DLG2: variants seen among roughly 807,000 people sequenced by gnomAD.
DLG2 encodes discs large MAGUK scaffold protein 2, also known as disks large homolog 2.
In DLG2, 45 loss-of-function variants were observed where a neutral mutation model predicts 132.5. The observed-to-expected ratio is 0.34, with a 90% CI of 0.27 to 0.44. The LOEUF is 0.44. Among genes scored for constraint, DLG2 ranks in the 20% least tolerant of loss-of-function variants. The pLI, the probability that DLG2 is intolerant of heterozygous loss-of-function variation, is 1.00. For missense variants in DLG2, 1,045 were observed against 1,196.9 expected (o/e 0.87, Z 1.87); for synonymous variants, 424 against 419.6 (o/e 1.01, Z -0.13).
intron 22 of DLG2, among the ~76,000 whole-genome samples, chr11:83,473,374 G>A (rs1024643094): frequency 2.0e-5 from 3 of 152,068 alleles, no homozygotes; most frequent in African/African-American, 4.8e-5. Context: ...TAAACTGTGC[G>A]TTGAAACTTC....
chr11:84,094,930 G>T (rs555981843), intron 10 of DLG2, among the ~76,000 whole-genome samples: 3 of 152,086 alleles, frequency 2.0e-5, no homozygotes, highest in African/African-American at 7.2e-5. Flanking sequence ...AATTTATAGG[G>T]GTTTTTTTTA....
intron 6 of DLG2, among the ~76,000 whole-genome samples, chr11:85,071,188 G>T (rs2065814771): frequency 6.6e-6 from 1 of 151,844 alleles, no homozygotes; most frequent in South Asian, 2.1e-4. Context: ...ACAGGAGTTT[G>T]CTATCTTCAT....
chr11:85,275,925 C>T (rs1211810857), intron 4 of DLG2, among the ~76,000 whole-genome samples: 2 of 151,936 alleles, frequency 1.3e-5, no homozygotes, highest in Non-Finnish European at 2.9e-5. Flanking sequence ...AAAAAAAATG[C>T]TTACTGATTC....
chr11:84,408,888 A>AAGG (rs750977644), intron 7 of DLG2, among the ~76,000 whole-genome samples: 1 of 152,110 alleles, frequency 6.6e-6, no homozygotes, highest in Non-Finnish European at 1.5e-5. Flanking sequence ...TGTCTACAGC[A>AAGG]AGGCCCTTGC....
intron 6 of DLG2, among the ~76,000 whole-genome samples, chr11:84,849,552 C>A (rs2154020839): frequency 6.6e-6 from 1 of 152,042 alleles, no homozygotes; most frequent in Middle Eastern, 3.4e-3. Flanking sequence ...TGTTGTTCTG[C>A]CATAGTCTTT....
intron 6 of DLG2, among the ~76,000 whole-genome samples, chr11:84,934,094 T>G (rs1313582198): frequency 1.3e-5 from 2 of 152,186 alleles, no homozygotes; most frequent in African/African-American, 2.4e-5. Flanking sequence ...GATGTTGAAT[T>G]TTATTGAAAT....
intron 7 of DLG2, among the ~76,000 whole-genome samples, chr11:84,467,092 C>T (rs1318374170): frequency 4.0e-5 from 6 of 151,244 alleles, no homozygotes; most frequent in Non-Finnish European, 5.9e-5. Flanking sequence ...ATCTTGGTGT[C>T]TATTTATCAT....
At chr11:84,710,088 C>T (rs1330324821) in intron 6 of DLG2, among the ~76,000 whole-genome samples, 1 of 151,914 alleles carries the variant, frequency 6.6e-6, no homozygotes, top group African/African-American at 2.4e-5. Context: ...CAATTAATAA[C>T]TTCCAAATGA....
chr11:85,386,300 T>C (rs999850975), intron 3 of DLG2, among the ~76,000 whole-genome samples: 8 of 152,158 alleles, frequency 5.3e-5, no homozygotes, highest in Admixed American at 2.6e-4. Flanking sequence ...GGTATTATTA[T>C]TGATTCACTT....
intron 8 of DLG2, among the ~76,000 whole-genome samples, chr11:84,235,146 C>G (rs181205112): frequency 5.3e-4 from 80 of 152,318 alleles, no homozygotes; most frequent in African/African-American, 1.9e-3. Flanking sequence ...TTGAATCCAC[C>G]TACCAACTGA....
At chr11:85,590,651 C>CTATA (rs67069486) in intron 3 of DLG2, among the ~76,000 whole-genome samples, 1 of 148,768 alleles carries the variant, frequency 6.7e-6, no homozygotes. Flanking sequence ...CTCTCTCTCT[C>CTATA]TATATATATA....
At chr11:85,571,945 C>T (rs2077866563) in intron 3 of DLG2, among the ~76,000 whole-genome samples, 1 of 152,076 alleles carries the variant, frequency 6.6e-6, no homozygotes, top group Non-Finnish European at 1.5e-5. Flanking sequence ...ATACCCGTAG[C>T]AGAAATGCAG....
intron 21 of DLG2, among the ~76,000 whole-genome samples, chr11:83,503,129 A>G (rs1026249951): frequency 6.6e-6 from 1 of 151,796 alleles, no homozygotes; most frequent in African/African-American, 2.4e-5. Flanking sequence ...CTCAAGGGGC[A>G]TGAAGAAGGC....
chr11:84,950,249 T>A (rs1373262829), intron 6 of DLG2, among the ~76,000 whole-genome samples: 1 of 152,192 alleles, frequency 6.6e-6, no homozygotes, highest in Non-Finnish European at 1.5e-5. Context: ...TACTGCTTTT[T>A]CAATGTTCTA....
At chr11:84,578,955 G>C (rs973838244) in intron 6 of DLG2, among the ~76,000 whole-genome samples, 3 of 152,090 alleles carry the variant, frequency 2.0e-5, no homozygotes, top group Non-Finnish European at 1.5e-5. Context: ...TCTTGTGATA[G>C]TGAATAAGTC....
At chr11:85,285,169 T>C (rs1187077744) in intron 4 of DLG2, 51 bp downstream of exon 4, 1 of 1,505,082 alleles carries the variant, frequency 6.6e-7, no homozygotes, top group Non-Finnish European at 9.1e-7. Context: ...ACTTCTTTAG[T>C]GGCCTAAGTC....
chr11:84,751,614 G>A (rs927696165), intron 6 of DLG2, among the ~76,000 whole-genome samples: 10 of 152,092 alleles, frequency 6.6e-5, no homozygotes, highest in Admixed American at 2.6e-4. Context: ...ATCGGCTGTG[G>A]TTAACATGCA....
chr11:84,177,274 T>C (rs993961776), intron 8 of DLG2, among the ~76,000 whole-genome samples: 1 of 152,194 alleles, frequency 6.6e-6, no homozygotes, highest in Non-Finnish European at 1.5e-5. Context: ...TCCTTCCATC[T>C]AATATCATCA....
rs988014848 is a variant in DLG2 at position 85,323,355 on chromosome 11, T to C, written c.41-37990A>G. ...GTTGCACAGATAATTACTTATTAAA[T>C]GCCCTTCTTTCTTTTTATTTTTTGA... is the stretch of plus-strand genomic sequence containing the variant. On this transcript the variant is annotated intron_variant, in intron 3 of 27. Coordinates refer to ENST00000376104, the MANE Select transcript of DLG2 (RefSeq NM_001142699.3). Among the ~76,000 whole-genome samples, 3 of 152,256 alleles carry C rather than the reference T, an allele frequency of 2.0e-5. No homozygotes were observed. The South Asian group carries it at 6.2e-4, about 31-fold the overall frequency.
Sources: allele counts gnomAD v4.1 joint callset (sites outside exome capture counted in the v4.1 genomes callset), GRCh38; gene constraint gnomAD v4.1.1; transcripts MANE v1.5; gene names NCBI Gene and HGNC (gene_info 2026-07-23, HGNC 2026-07-21).